The following NCOA7 variants were observed in gnomAD, a reference collection of about 807,000 sequenced individuals.
NCOA7 encodes nuclear receptor coactivator 7.
NCOA7 carries 45 observed loss-of-function variants against 104.3 expected under a neutral mutation model. That is an observed-to-expected ratio of 0.43 (90% CI 0.34 to 0.55). The LOEUF is 0.55. Ranked by LOEUF, NCOA7 falls within the 20% of genes least tolerant of loss-of-function variation. The pLI is 0.02. For missense variants in NCOA7, 1,041 were observed against 1,119.7 expected, an observed-to-expected ratio of 0.93 and a Z score of 1.00; for synonymous variants, 398 against 402.3, an observed-to-expected ratio of 0.99 and a Z score of 0.13.
chr6:125,846,446 G>A (rs1780625895), intron 2 of NCOA7, among the ~76,000 whole-genome samples: 1 of 151,516 alleles, frequency 6.6e-6, no homozygotes, highest in Non-Finnish European at 1.5e-5. Context: ...AGCCAGACAG[G>A]ACCTTGAAAA....
intron 1 of NCOA7, among the ~76,000 whole-genome samples, chr6:125,796,485 T>C (rs1440222273): frequency 6.6e-6 from 1 of 151,850 alleles, no homozygotes; most frequent in African/African-American, 2.4e-5. Flanking sequence ...ATATAATCTA[T>C]GCACATCCTC....
chr6:125,885,182 A>G lies in NCOA7; in HGVS notation c.723A>G (p.Ile241Met), dbSNP rs765879974. 1.2e-6 allele frequency: 2 copies of G among 1,613,964 alleles called. No homozygotes were observed. The highest frequency in any genetic ancestry group is 8.5e-7 in the Non-Finnish European group (1 of 1,179,922). Residue 241 changes from isoleucine to methionine, a missense_variant, in exon 8 of 16, where the codon ATA becomes ATG. This residue lies in a region of NCOA7 where 914 missense variants were observed against 942.7 expected (regional missense o/e 0.97). Coordinates refer to ENST00000392477, the MANE Select transcript of NCOA7 (RefSeq NM_181782.5). ...DGKGVVGGVM[I>M]VTPNNIMFDP... The stretch of plus-strand genomic sequence containing the variant: ...AGGGTGTGGTTGGCGGTGTTATGAT[A>G]GTGACTCCTAACAACATCATGTTTG...
At chr6:125,909,931 T>G (rs1319765440) in intron 10 of NCOA7, among the ~76,000 whole-genome samples, 1 of 152,172 alleles carries the variant, frequency 6.6e-6, no homozygotes, top group Non-Finnish European at 1.5e-5. Context: ...AATTTTAAGA[T>G]TGGGTATTTT....
rs190832094 is a variant in NCOA7, at chr6:125,930,677, A to G, written c.*1906A>G. 6.6e-6 allele frequency: 1 copy of G among 152,404 alleles called. No homozygotes were observed. The highest frequency in any genetic ancestry group is 1.9e-4 in the East Asian group (1 of 5,180). 9.4% of individuals were successfully genotyped at this position (152,404 alleles called of 1,614,324 possible). On this transcript the variant is annotated 3_prime_UTR_variant, in exon 16 of 16. Coordinates refer to ENST00000392477, the MANE Select transcript of NCOA7 (RefSeq NM_181782.5). ...CAGATCAACAATTATTATACTCCTTAATTCCATGCAAATTTAAATGAATGC... is the reference window on the plus strand; with the variant it reads ...CAGATCAACAATTATTATACTCCTTGATTCCATGCAAATTTAAATGAATGC...
At chr6:125,834,060 T>C (rs1452672578) in intron 2 of NCOA7, among the ~76,000 whole-genome samples, 1 of 147,954 alleles carries the variant, frequency 6.8e-6, no homozygotes, top group Non-Finnish European at 1.5e-5. Flanking sequence ...GGTAGGATTA[T>C]TAAGACGTGA....
intron 10 of NCOA7, among the ~76,000 whole-genome samples, chr6:125,912,600 G>A (rs968180710): frequency 3.9e-5 from 6 of 152,162 alleles, no homozygotes; most frequent in African/African-American, 1.4e-4. Flanking sequence ...GAATGTGGAG[G>A]TCAAAAGAGC....
intron 13 of NCOA7, among the ~76,000 whole-genome samples, chr6:125,927,086 T>G (rs1788098850): frequency 6.6e-6 from 1 of 152,232 alleles, no homozygotes; most frequent in African/African-American, 2.4e-5. Flanking sequence ...GGTTATTTGT[T>G]TCTTAAAAGT....
intron 13 of NCOA7, among the ~76,000 whole-genome samples, chr6:125,925,183 G>C (rs1247422058): frequency 1.3e-5 from 2 of 152,142 alleles, no homozygotes; most frequent in Non-Finnish European, 2.9e-5. Flanking sequence ...CAGGCCACAG[G>C]ACATAGAGTT....
In NCOA7 at chr6:125,927,411, G is replaced by A. The variant is rs113681034; in HGVS notation, c.2524-252G>A. Among the ~76,000 whole-genome samples the A allele has an allele frequency of 3.8e-3, 577 of 152,296 alleles. 3 individuals are homozygous for A. Among genetic ancestry groups the A allele is most frequent in the African/African-American group, 0.011 (471 of 41,570 alleles). ...AAATTGGAACAAATTGTTGGCCTTTGACAAACAAGTTGTCTAAGCTTTGTC... is the reference window on the plus strand; with the variant it reads ...AAATTGGAACAAATTGTTGGCCTTTAACAAACAAGTTGTCTAAGCTTTGTC... On this transcript the variant is annotated intron_variant, in intron 13 of 15. Coordinates refer to ENST00000392477, the MANE Select transcript of NCOA7 (RefSeq NM_181782.5).
At chr6:125,874,697 GTTAATA>G (rs1379243769) in intron 3 of NCOA7, among the ~76,000 whole-genome samples, 186 bp from the exon 4 acceptor site, 3 of 152,028 alleles carry the variant, frequency 2.0e-5, no homozygotes, top group Non-Finnish European at 1.5e-5. Flanking sequence ...TTTAATTATA[GTTAATA>G]TTAATCATTT....
chr6:125,916,332 A>G (rs987756841), intron 11 of NCOA7, among the ~76,000 whole-genome samples: 1 of 152,170 alleles, frequency 6.6e-6, no homozygotes, highest in Non-Finnish European at 1.5e-5. Context: ...TTGTTTGTAA[A>G]TTACTCAGTT....
intron 1 of NCOA7, among the ~76,000 whole-genome samples, chr6:125,805,832 C>T (rs1002203512): frequency 6.6e-6 from 1 of 152,186 alleles, no homozygotes; most frequent in African/African-American, 2.4e-5. Flanking sequence ...TTCATGAACA[C>T]TTGCATATTT....
At position 125,882,493 on chromosome 6, in the gene NCOA7, A is replaced by G; in HGVS notation, c.641A>G (p.Asp214Gly). The G allele has an allele frequency of 6.2e-7, 1 of 1,613,824 alleles. No individual in the cohort carries two copies. The highest frequency in any genetic ancestry group is 1.3e-5 in the African/African-American group (1 of 75,070). ...ERVLSSTSEE[D>G]EPGVVKFLKM... ...GTCTTATCGTCTACTTCTGAAGAAG[A>G]TGAGCCAGGTGTGGTGAAATTTTTA... Residue 214 changes from aspartate to glycine, a missense_variant, in exon 7 of 16, where the codon GAT becomes GGT. Physicochemically the swap from Asp to Gly is moderately conservative, Grantham distance 94. This residue lies in a region of NCOA7 where 914 missense variants were observed against 942.7 expected (regional missense o/e 0.97). Coordinates refer to ENST00000392477, the MANE Select transcript of NCOA7 (RefSeq NM_181782.5).
chr6:125,889,450 G>A lies in NCOA7; in HGVS notation c.1396G>A (p.Ala466Thr), dbSNP rs149505195. The change falls in exon 9 of 16, where the codon GCC becomes ACC. Residue 466 changes from alanine to threonine, a missense_variant. Physicochemically the swap from Ala to Thr is moderately conservative, Grantham distance 58. Around this residue, in one of 2 missense-constraint regions of NCOA7, gnomAD observed 914 missense variants for 942.7 expected, o/e 0.97. Transcript: ENST00000392477. ...TGCCGTGGAAATGCAGGTGCAGTCA[G>A]CCCTAGCCTTTTTGGGAACAGAGAA... ...NSAVEMQVQS[A>T]LAFLGTENDV... 507 of 1,614,120 alleles carry A rather than the reference G, an allele frequency of 3.1e-4. 1 individual carries two copies. In the Middle Eastern group the frequency reaches 5.9e-3, roughly 19 times the overall value.
At chr6:125,788,608 T>C (rs1774582441), upstream of NCOA7, among the ~76,000 whole-genome samples, 1 of 151,140 alleles carries the variant, frequency 6.6e-6, no homozygotes, top group Non-Finnish European at 1.5e-5. Context: ...CAATCTCCGC[T>C]CGCTGCAACC....
intron 2 of NCOA7, among the ~76,000 whole-genome samples, chr6:125,838,418 C>G (rs535826049): frequency 6.6e-6 from 1 of 151,926 alleles, no homozygotes; most frequent in African/African-American, 2.4e-5. Flanking sequence ...TAAAGGTGTC[C>G]GACTCTCAGT....
At chr6:125,814,042 G>A (rs775560507) in intron 1 of NCOA7, among the ~76,000 whole-genome samples, 1 of 152,116 alleles carries the variant, frequency 6.6e-6, no homozygotes, top group Non-Finnish European at 1.5e-5. Flanking sequence ...TGACCTCTGG[G>A]ACTTATCACA....
intron 2 of NCOA7, chr6:125,818,799 A>G (rs1479531615): frequency 6.6e-6 from 1 of 152,360 alleles, no homozygotes; most frequent in South Asian, 2.1e-4. Flanking sequence ...GGAACTAGCA[A>G]CAGAACTTAC....
intron 2 of NCOA7, among the ~76,000 whole-genome samples, chr6:125,827,924 T>C (rs774009582): frequency 1.6e-4 from 25 of 152,332 alleles, no homozygotes; most frequent in Non-Finnish European, 3.1e-4. Context: ...TGCCATTATC[T>C]GGAATGGGAA....
Sources: gnomAD v4.1 joint callset for allele counts (sites outside exome capture counted in the v4.1 genomes callset) on GRCh38, gnomAD v4.1.1 for gene constraint, gnomAD v4.1.1 regional missense constraint, MANE v1.5 for transcripts, NCBI Gene and HGNC (gene_info 2026-07-23, HGNC 2026-07-21) for gene names.